Variants in TAS2R1 observed in about 807,000 individuals in gnomAD.
The protein encoded by TAS2R1 is taste 2 receptor member 1, also known as taste receptor type 2 member 1.
For synonymous variants in TAS2R1, 141 were observed against 134.2 expected (o/e 1.05, Z -0.35); for missense variants, 370 against 353.4 (o/e 1.05, Z -0.38).
the TAS2R1 span, among the ~76,000 whole-genome samples, chr5:9,826,179 C>A: frequency 6.6e-6 from 1 of 151,870 alleles, no homozygotes; most frequent in Non-Finnish European, 1.5e-5. Flanking sequence ...TCACTTTATC[C>A]TATAAAATAC....
upstream of TAS2R1, chr5:9,713,046 T>G: frequency 6.6e-6 from 1 of 152,080 alleles, no homozygotes; most frequent in Non-Finnish European, 1.5e-5. Flanking sequence ...CATTCTCCTT[T>G]AACTCAGTCC....
intron 1 of TAS2R1, among the ~76,000 whole-genome samples, chr5:9,683,805 C>T (rs934259554): frequency 2.6e-5 from 4 of 152,184 alleles, no homozygotes; most frequent in African/African-American, 9.7e-5. Flanking sequence ...CCAACCCCAA[C>T]CCAAAACATA....
chr5:9,875,110 G>A, the TAS2R1 span, among the ~76,000 whole-genome samples: 138 of 152,258 alleles, frequency 9.1e-4, 1 homozygote, highest in South Asian at 2.9e-3. Context: ...AGACTTCATG[G>A]AAGAGAGAGG....
intron 1 of TAS2R1, among the ~76,000 whole-genome samples, chr5:9,699,346 T>C (rs1374048867): frequency 6.6e-6 from 1 of 152,248 alleles, no homozygotes; most frequent in Non-Finnish European, 1.5e-5. Context: ...CCTTCGACGC[T>C]TTCATGCTCC....
chr5:9,748,983 G>A, the TAS2R1 span, among the ~76,000 whole-genome samples: 1 of 151,898 alleles, frequency 6.6e-6, no homozygotes, highest in African/African-American at 2.4e-5. Context: ...CTCATTCTTT[G>A]CCTTCTAGCT....
rs1459088538 is a variant in TAS2R1, at chr5:9,628,598, C to A, written c.*535G>T. Among the ~76,000 whole-genome samples the A allele has an allele frequency of 6.6e-6, 1 of 152,150 alleles. No individual in the cohort carries two copies. Among genetic ancestry groups the A allele is most frequent in the Non-Finnish European group, 1.5e-5 (1 of 68,032 alleles). ...GATCTGAGGAGAAAGAATGGCTCCA[C>A]TGCCTGCAACTCCAACAGACAGAAC... On this transcript the variant is annotated 3_prime_UTR_variant, in exon 1 of 1. Coordinates refer to ENST00000382492, the MANE Select transcript of TAS2R1 (RefSeq NM_019599.3).
the TAS2R1 span, among the ~76,000 whole-genome samples, chr5:9,761,414 GA>G: frequency 9.6e-3 from 1,100 of 114,896 alleles, 10 homozygotes; most frequent in African/African-American, 0.029. Context: ...TCAAGTCCCA[GA>G]AAAAAAAAAA....
chr5:9,703,503 G>GGA (rs1021498239), intron 1 of TAS2R1, among the ~76,000 whole-genome samples: 5 of 152,126 alleles, frequency 3.3e-5, no homozygotes, highest in Admixed American at 2.0e-4. Context: ...AGGGCCACAT[G>GGA]GAGAGAAGAG....
chr5:9,799,776 A>T, the TAS2R1 span, among the ~76,000 whole-genome samples: 1 of 152,202 alleles, frequency 6.6e-6, no homozygotes. Flanking sequence ...GGTAAGTGCT[A>T]AATCCTGAGG....
At chr5:9,738,795 C>T in the TAS2R1 span, among the ~76,000 whole-genome samples, 1 of 152,108 alleles carries the variant, frequency 6.6e-6, no homozygotes, top group African/African-American at 2.4e-5. Flanking sequence ...CCACAGAGAA[C>T]CAGCATCAGT....
chr5:9,856,425 T>C, the TAS2R1 span, among the ~76,000 whole-genome samples: 1 of 152,206 alleles, frequency 6.6e-6, no homozygotes, highest in Non-Finnish European at 1.5e-5. Context: ...GTTATAGTGC[T>C]ACACATAAAC....
At chr5:9,721,612 G>A in the TAS2R1 span, among the ~76,000 whole-genome samples, 1 of 152,170 alleles carries the variant, frequency 6.6e-6, no homozygotes, top group Non-Finnish European at 1.5e-5. Flanking sequence ...TGTGTTACTG[G>A]ATTGTGACAA....
At chr5:9,894,320 C>T in the TAS2R1 span, among the ~76,000 whole-genome samples, 1 of 152,094 alleles carries the variant, frequency 6.6e-6, no homozygotes, top group African/African-American at 2.4e-5. Flanking sequence ...AGGAGAATCG[C>T]TTGAACCTGG....
At chr5:9,742,015 C>G in the TAS2R1 span, among the ~76,000 whole-genome samples, 2 of 152,164 alleles carry the variant, frequency 1.3e-5, no homozygotes, top group Non-Finnish European at 2.9e-5. Context: ...CCTGCCTCAG[C>G]CTCCCGAATA....
the TAS2R1 span, among the ~76,000 whole-genome samples, chr5:9,743,604 G>C: frequency 6.6e-6 from 1 of 152,148 alleles, no homozygotes; most frequent in Non-Finnish European, 1.5e-5. Flanking sequence ...GTCATTACCA[G>C]TAAGTCATGG....
chr5:9,721,078 TATATAA>T, the TAS2R1 span, among the ~76,000 whole-genome samples: 3 of 152,214 alleles, frequency 2.0e-5, no homozygotes, highest in Non-Finnish European at 4.4e-5. Context: ...CCTGCTTACC[TATATAA>T]ATAGATAGCT....
the TAS2R1 span, among the ~76,000 whole-genome samples, chr5:9,795,494 G>GA: frequency 2.8e-4 from 42 of 147,764 alleles, no homozygotes; most frequent in Admixed American, 1.6e-3. Context: ...CTACCTCCAA[G>GA]AAAAAAAAAA....
chr5:9,878,650 C>T, the TAS2R1 span, among the ~76,000 whole-genome samples: 1 of 152,136 alleles, frequency 6.6e-6, no homozygotes, highest in Non-Finnish European at 1.5e-5. Flanking sequence ...ACAGTGAGCT[C>T]CAAACGTAGT....
At chr5:9,670,467 C>A (rs1740726686) in intron 1 of TAS2R1, among the ~76,000 whole-genome samples, 1 of 152,180 alleles carries the variant, frequency 6.6e-6, no homozygotes, top group South Asian at 2.1e-4. Flanking sequence ...TTCTGTATAT[C>A]ATTTTCCTTG....
Sources: gnomAD v4.1 joint callset for allele counts (sites outside exome capture counted in the v4.1 genomes callset) on GRCh38, gnomAD v4.1.1 for gene constraint, MANE v1.5 for transcripts, NCBI Gene and HGNC (gene_info 2026-07-23, HGNC 2026-07-21) for gene names.